CELA2A: variants seen among roughly 807,000 people sequenced by gnomAD.
CELA2A encodes chymotrypsin-like elastase family member 2A.
A neutral mutation model predicts 35.3 loss-of-function variants in CELA2A; 31 were observed. That is an observed-to-expected ratio of 0.88 (90% CI 0.66 to 1.19). The LOEUF is 1.19. Ranked by LOEUF, CELA2A falls within the 50% of genes most tolerant of loss-of-function variation. The pLI is 0.00. For missense variants in CELA2A, 330 were observed against 352.9 expected, an observed-to-expected ratio of 0.94 and a Z score of 0.52; for synonymous variants, 150 against 149.8, an observed-to-expected ratio of 1.00 and a Z score of -0.01.
intron 3 of CELA2A, chr1:15,461,996 C>A: frequency 1.9e-6 from 1 of 527,104 alleles, no homozygotes; most frequent in South Asian, 1.6e-5. Flanking sequence ...GCTTCAATAC[C>A]ATCACCTGCA....
chr1:15,456,837 G>A (rs1192915064), intron 1 of CELA2A, 44 bp downstream of exon 1: 2 of 1,613,434 alleles, frequency 1.2e-6, no homozygotes, highest in African/African-American at 1.3e-5. Context: ...ATGCCCTGGT[G>A]GGGCTGGAAA....
chr1:15,469,773 C>G (rs1242378388), intron 7 of CELA2A, among the ~76,000 whole-genome samples: 1 of 152,164 alleles, frequency 6.6e-6, no homozygotes, highest in Non-Finnish European at 1.5e-5. Flanking sequence ...GGAGGCGCCA[C>G]CCACATGTCA....
In CELA2A at chr1:15,463,473, T is replaced by G; in HGVS notation, c.444T>G (p.Ile148Met). Residue 148 changes from isoleucine (I) to methionine (M), a missense_variant, in exon 5 of 8, where the codon ATT (isoleucine) becomes ATG (methionine). Ile to Met is a conservative substitution (Grantham distance 10, BLOSUM62 1). Transcript: ENST00000359621. ...CCTGCCTCCCTCCTGCCGGCACCATTCTACCCAACAACTACCCCTGCTACG... is the reference window on the plus strand; with the variant it reads ...CCTGCCTCCCTCCTGCCGGCACCATGCTACCCAACAACTACCCCTGCTACG... The part of the protein sequence containing the change: ...QLACLPPAGT[I>M]LPNNYPCYVT... 7 of 1,613,966 alleles carry G rather than the reference T, an allele frequency of 4.3e-6. No homozygotes were observed. The highest frequency in any genetic ancestry group is 5.9e-6 in the Non-Finnish European group (7 of 1,179,930).
rs746591647 is a variant in CELA2A at position 15,472,056 on chromosome 1, G to A, written c.*49G>A. 4 of 1,609,550 alleles carry A rather than the reference G, an allele frequency of 2.5e-6. No individual in the cohort carries two copies. Among genetic ancestry groups the A allele is most frequent in the Non-Finnish European group, 3.4e-6 (4 of 1,176,058 alleles). On this transcript the variant is annotated 3_prime_UTR_variant, in exon 8 of 8. Coordinates refer to ENST00000359621, the MANE Select transcript of CELA2A (RefSeq NM_033440.3). ...TTCAGACTTGGAAAGGTCACAGAAG[G>A]AAAATAATATAATAAAGTGACAACT... is the stretch of plus-strand genomic sequence containing the variant.
intron 7 of CELA2A, among the ~76,000 whole-genome samples, chr1:15,467,808 G>A (rs569477405): frequency 2.6e-5 from 4 of 152,282 alleles, no homozygotes; most frequent in African/African-American, 4.8e-5. Context: ...AGTGAGTTCC[G>A]CTGGGCGCCG....
rs755369027 is a variant in CELA2A at position 15,457,098 on chromosome 1, G to C, written c.53G>C (p.Gly18Ala). ...TCTCTTTTCACAGCCCTCAGTTGTG[G>C]GGACCCCACTTACCCACCTTATGTG... ...STLVAGALSC[G>A]DPTYPPYVTR... is the part of the protein sequence containing the mutation. The change falls in exon 2 of 8, where the codon GGG becomes GCG. Residue 18 changes from glycine (G) to alanine (A), a missense_variant. By Grantham distance (60) the Gly-to-Ala change is moderately conservative. Transcript: ENST00000359621. 1 of 1,614,108 alleles carries C rather than the reference G, an allele frequency of 6.2e-7. No individual in the cohort carries two copies. Among genetic ancestry groups the C allele is most frequent in the Non-Finnish European group, 8.5e-7 (1 of 1,180,008 alleles).
chr1:15,460,807 G>A (rs1316227528), intron 2 of CELA2A, among the ~76,000 whole-genome samples: 3 of 152,074 alleles, frequency 2.0e-5, no homozygotes, highest in Non-Finnish European at 2.9e-5. Context: ...GAGTAACCGG[G>A]ACTATAGGCA....
In CELA2A at chr1:15,461,608, A is replaced by G; in HGVS notation, c.177A>G (p.Gly59=). 1 of 1,612,870 alleles carries G rather than the reference A, an allele frequency of 6.2e-7. No individual in the cohort carries two copies. Among genetic ancestry groups the G allele is most frequent in the Non-Finnish European group, 8.5e-7 (1 of 1,180,016 alleles). The part of the protein sequence containing the change: ...SSNGKWYHTC[G]GSLIANSWVL... ...ATGGCAAGTGGTACCACACCTGCGG[A>G]GGGTCCCTGATAGCCAACAGCTGGG... Residue 59 remains glycine, a synonymous_variant, in exon 3 of 8, where the codon GGA becomes GGG. Coordinates refer to ENST00000359621, the MANE Select transcript of CELA2A (RefSeq NM_033440.3).
In CELA2A at chr1:15,468,643, C is replaced by T. The variant is rs182668842; in HGVS notation, c.792+1105C>T. Among the ~76,000 whole-genome samples, 155 of 152,058 alleles carry T rather than the reference C, an allele frequency of 1.0e-3. 1 individual carries two copies. Among genetic ancestry groups the T allele is most frequent in the African/African-American group, 3.4e-3 (143 of 41,490 alleles). ...GCAACATAGCAAGACTCTGTCTTTACAAAAAAATTTTTTTTAATTACTCAG... is the reference window on the plus strand; with the variant it reads ...GCAACATAGCAAGACTCTGTCTTTATAAAAAAATTTTTTTTAATTACTCAG... On this transcript the variant is annotated intron_variant, in intron 7 of 7. Transcript: ENST00000359621.
chr1:15,471,094 G>C (rs74054734), intron 7 of CELA2A, among the ~76,000 whole-genome samples: 5,201 of 152,282 alleles, frequency 0.034, 291 homozygotes, highest in African/African-American at 0.12. Context: ...TCCATAGTTT[G>C]AGTGTAATGA....
In CELA2A at chr1:15,466,332, C is replaced by T. The variant is rs1199939077; in HGVS notation, c.639+188C>T. ...AATCCCAGCACTTTGAGAGGCCAGG[C>T]GGGCAGACCACTTGAGGTCAGCAGT... is the stretch of plus-strand genomic sequence containing the variant. On this transcript the variant is annotated intron_variant, in intron 6 of 7. Transcript: ENST00000359621. Among the ~76,000 whole-genome samples, 6 of 152,056 alleles carry T rather than the reference C, an allele frequency of 3.9e-5. No homozygotes were observed. In the East Asian group the frequency reaches 9.6e-4, roughly 24 times the overall value.
intron 2 of CELA2A, among the ~76,000 whole-genome samples, 199 bp from the exon 3 acceptor site, chr1:15,461,362 T>A (rs1437742777): frequency 3.9e-5 from 6 of 152,156 alleles, no homozygotes; most frequent in African/African-American, 1.4e-4. Context: ...ATGCCTGGCC[T>A]GATTGTTTTT....
At chr1:15,463,231 C>T (rs1334307489) in intron 4 of CELA2A, among the ~76,000 whole-genome samples, 155 bp from the exon 5 acceptor site, 5 of 152,180 alleles carry the variant, frequency 3.3e-5, no homozygotes, top group Admixed American at 6.5e-5. Flanking sequence ...TCAACAAGGC[C>T]CTCTGCATTT....
chr1:15,467,119 G>A (rs908396248), intron 6 of CELA2A, among the ~76,000 whole-genome samples: 3 of 152,180 alleles, frequency 2.0e-5, no homozygotes, highest in African/African-American at 7.2e-5. Flanking sequence ...TCCGTGGCCT[G>A]GGGATGCTAC....
At chr1:15,460,835 C>T (rs1258223522) in intron 2 of CELA2A, among the ~76,000 whole-genome samples, 3 of 147,420 alleles carry the variant, frequency 2.0e-5, no homozygotes, top group Non-Finnish European at 4.5e-5. Flanking sequence ...CCGCACCCAG[C>T]GGCTCATTTT....
chr1:15,465,798 G>T, intron 5 of CELA2A: 1 of 613,668 alleles, frequency 1.6e-6, no homozygotes, highest in South Asian at 2.2e-5. Context: ...GAATCCCAGG[G>T]GAGGGAGCTC....
Position 15,463,397 on chromosome 1 carries a change from C to T in CELA2A, c.368C>T (p.Ala123Val). ...CCACACTCACCCAGGAACGACATTG[C>T]CCTGCTCAAACTGGCTAACCCCGTC... is the stretch of plus-strand genomic sequence containing the variant. ...SNQISKGNDI[A>V]LLKLANPVSL... Residue 123 changes from alanine (A) to valine (V), a missense_variant, in exon 5 of 8, where the codon GCC becomes GTC. Ala to Val is a moderately conservative substitution (Grantham distance 64). Coordinates refer to ENST00000359621, the MANE Select transcript of CELA2A (RefSeq NM_033440.3). 1 of 1,613,768 alleles carries T rather than the reference C, an allele frequency of 6.2e-7. No homozygotes were observed. Among genetic ancestry groups the T allele is most frequent in the Non-Finnish European group, 8.5e-7 (1 of 1,179,868 alleles).
chr1:15,468,231 C>T (rs1254207892), intron 7 of CELA2A, among the ~76,000 whole-genome samples: 1 of 152,068 alleles, frequency 6.6e-6, no homozygotes, highest in African/African-American at 2.4e-5. Context: ...ACCTGATATC[C>T]CCATAGCATT....
chr1:15,467,365 T>C (rs776408463), intron 6 of CELA2A, 21 bp from the exon 7 acceptor site: 37 of 1,610,988 alleles, frequency 2.3e-5, no homozygotes, highest in Middle Eastern at 1.6e-4. Context: ...TTTACCTGCC[T>C]ATAACTCTGG....
Sources: allele counts gnomAD v4.1 joint callset (sites outside exome capture counted in the v4.1 genomes callset), GRCh38; gene constraint gnomAD v4.1.1; transcripts MANE v1.5; gene names NCBI Gene and HGNC (gene_info 2026-07-23, HGNC 2026-07-21).